Variants in DNAH8 observed in about 807,000 individuals in gnomAD.
DNAH8 encodes the protein dynein axonemal heavy chain 8.
In DNAH8, 382 loss-of-function variants were observed where a neutral mutation model predicts 562.1. The ratio of observed to expected loss-of-function variants is 0.68; its 90% CI spans 0.63 to 0.74. The LOEUF is 0.74. DNAH8 is among the 30% of genes least tolerant of loss of function. The pLI is 0.00. For missense variants in DNAH8, 5,203 were observed against 5,620.4 expected (o/e 0.93, Z 2.37); for synonymous variants, 1,881 against 1,919.4 (o/e 0.98, Z 0.52).
intron 91 of DNAH8, among the ~76,000 whole-genome samples, chr6:39,016,909 T>C (rs1012896432): frequency 6.6e-6 from 1 of 152,200 alleles, no homozygotes; most frequent in African/African-American, 2.4e-5. Context: ...GTTTGCCTTA[T>C]GGGTGGCCTG....
chr6:38,923,102 C>G lies in DNAH8; in HGVS notation c.10707C>G (p.Ala3569=). Residue 3569 remains alanine (A), a synonymous_variant, in exon 72 of 93, where the codon GCC becomes GCG. Coordinates refer to ENST00000327475, the MANE Select transcript of DNAH8 (RefSeq NM_001206927.2). ...DADTCRKKMQ[A]ASTLIDGLSG... Reference sequence around the variant, plus strand: ...ATACGTGCCGGAAAAAGATGCAGGCCGCCTCCACTCTCATCGATGGGCTGA... The same window carrying G: ...ATACGTGCCGGAAAAAGATGCAGGCGGCCTCCACTCTCATCGATGGGCTGA... 1 of 1,613,608 alleles carries G rather than the reference C, an allele frequency of 6.2e-7. No individual in the cohort carries two copies. The highest frequency in any genetic ancestry group is 1.1e-5 in the South Asian group (1 of 91,032).
At chr6:38,953,904 G>C (rs772521941) in intron 82 of DNAH8, among the ~76,000 whole-genome samples, 1 of 150,856 alleles carries the variant, frequency 6.6e-6, no homozygotes, top group African/African-American at 2.4e-5. Context: ...CCCAGACCTA[G>C]TCCGTGGCAG....
At chr6:39,005,941 C>T (rs1487770249) in intron 88 of DNAH8, among the ~76,000 whole-genome samples, 1 of 152,230 alleles carries the variant, frequency 6.6e-6, no homozygotes, top group African/African-American at 2.4e-5. Flanking sequence ...AGGGATTTGG[C>T]TTGCCATTAC....
rs776160871 is a variant in DNAH8 at position 38,906,296 on chromosome 6, G to A, written c.9237G>A (p.Leu3079=). 24 of 1,606,642 alleles carry A rather than the reference G, an allele frequency of 1.5e-5. No homozygotes were observed. The highest frequency in any genetic ancestry group is 1.9e-5 in the Non-Finnish European group (22 of 1,174,956). Reference sequence around the variant, plus strand: ...ATCTAACAGATGATTTAAAAGCTTTGTACAAAGTTGCTGGTGCTGATGGAA... The same window carrying A: ...ATCTAACAGATGATTTAAAAGCTTTATACAAAGTTGCTGGTGCTGATGGAA... ...VTNLTDDLKA[L]YKVAGADGKG... Residue 3079 remains leucine, a synonymous_variant, in exon 63 of 93, where the codon TTG becomes TTA. Coordinates refer to ENST00000327475, the MANE Select transcript of DNAH8 (RefSeq NM_001206927.2).
intron 1 of DNAH8, among the ~76,000 whole-genome samples, chr6:38,717,723 C>G (rs1466516169): frequency 2.0e-5 from 3 of 151,252 alleles, no homozygotes; most frequent in African/African-American, 7.3e-5. Context: ...TTCTTTCACT[C>G]AGAGTGATTC....
intron 26 of DNAH8, among the ~76,000 whole-genome samples, chr6:38,818,697 T>A (rs1485941190): frequency 1.3e-5 from 2 of 152,284 alleles, no homozygotes; most frequent in Non-Finnish European, 2.9e-5. Context: ...AACAGGTGAG[T>A]TTTGACTGCT....
At chr6:38,785,629 C>G (rs1769084013) in intron 17 of DNAH8, among the ~76,000 whole-genome samples, 1 of 152,036 alleles carries the variant, frequency 6.6e-6, no homozygotes, top group African/African-American at 2.4e-5. Context: ...CTTTCCCTCC[C>G]CTTGCTCCCC....
chr6:38,845,491 C>CA (rs932529291), intron 35 of DNAH8, 83 bp from the exon 36 acceptor site: 4,142 of 1,015,590 alleles, frequency 4.1e-3, no homozygotes, highest in Non-Finnish European at 4.7e-3. Context: ...CCCTTTCAAG[C>CA]AAAAAAAAAA....
At chr6:38,844,511 A>C (rs1583165375) in intron 35 of DNAH8, among the ~76,000 whole-genome samples, 1 of 152,196 alleles carries the variant, frequency 6.6e-6, no homozygotes, top group Non-Finnish European at 1.5e-5. Flanking sequence ...TGTAAATATC[A>C]CTAAGAAACA....
At chr6:38,896,272 A>G in intron 60 of DNAH8, 47 bp downstream of exon 60, 1 of 1,471,220 alleles carries the variant, frequency 6.8e-7, no homozygotes. Flanking sequence ...TGCTCACCTG[A>G]CTAGATCTTT....
Position 38,783,069 on chromosome 6 carries a change from C to G in DNAH8, c.2325C>G (p.Ser775=). 1 of 1,613,890 alleles carries G rather than the reference C, an allele frequency of 6.2e-7. No individual in the cohort carries two copies. Among genetic ancestry groups the G allele is most frequent in the Non-Finnish European group, 8.5e-7 (1 of 1,179,818 alleles). Residue 775 remains serine, a synonymous_variant, in exon 17 of 93, where the codon TCC becomes TCG. Coordinates refer to ENST00000327475, the MANE Select transcript of DNAH8 (RefSeq NM_001206927.2). ...KAVIRQYNKI[S]YVLVEFEVVY... Reference sequence around the variant, plus strand: ...TCATCCGTCAGTATAACAAGATCTCCTATGTGCTGGTGGAATTCGAGGTGG... The same window carrying G: ...TCATCCGTCAGTATAACAAGATCTCGTATGTGCTGGTGGAATTCGAGGTGG...
chr6:38,886,862 C>T lies in DNAH8; in HGVS notation c.8331C>T (p.Phe2777=), dbSNP rs1778962306. The T allele has an allele frequency of 6.2e-7, 1 of 1,614,074 alleles. No homozygotes were observed. Among genetic ancestry groups the T allele is most frequent in the Non-Finnish European group, 8.5e-7 (1 of 1,179,952 alleles). ...ACAGCTTGGACAAGCCTGGAGACTT[C>T]ACTACTATTGTTGATGTGCAGCTCA... The part of the protein sequence containing the change: ...GMYSLDKPGD[F]TTIVDVQLIA... Residue 2777 remains phenylalanine (F), a synonymous_variant, in exon 57 of 93, where the codon TTC becomes TTT. Transcript: ENST00000327475.
chr6:38,723,975 TTAATTAATTAATTAA>T (rs1443813606), intron 3 of DNAH8, among the ~76,000 whole-genome samples: 8 of 113,474 alleles, frequency 7.1e-5, no homozygotes, highest in African/African-American at 1.9e-4. Context: ...TTAAATTTAA[TTAATTAATTAATTAA>T]TTAATTAATT....
chr6:38,959,033 G>T (rs953380987), intron 82 of DNAH8, among the ~76,000 whole-genome samples: 3 of 152,112 alleles, frequency 2.0e-5, no homozygotes, highest in Admixed American at 1.3e-4. Context: ...AAAACCATAT[G>T]ATCATCTCAA....
At chr6:38,973,865 C>T in intron 84 of DNAH8, 52 bp downstream of exon 84, 4 of 1,448,896 alleles carry the variant, frequency 2.8e-6, no homozygotes, top group Non-Finnish European at 3.8e-6. Context: ...AAGATGACAT[C>T]ATTGACATTG....
chr6:38,890,502 A>G, intron 57 of DNAH8, 150 bp from the exon 58 acceptor site: 1 of 630,368 alleles, frequency 1.6e-6, no homozygotes, highest in Admixed American at 2.6e-5. Context: ...GGCTGGATCC[A>G]CTACTGACTC....
At position 38,775,924 on chromosome 6, in the gene DNAH8, T is replaced by A. The variant is rs747756965; in HGVS notation, c.1935T>A (p.Asp645Glu). Residue 645 changes from aspartate (D) to glutamate (E), a missense_variant, in exon 13 of 93, where the codon GAT (aspartate) becomes GAA (glutamate). This residue lies in a region of DNAH8 where 2,176 missense variants were observed against 2,365.1 expected (regional missense o/e 0.92). Coordinates refer to ENST00000327475, the MANE Select transcript of DNAH8 (RefSeq NM_001206927.2). Reference protein sequence around the residue: ...RRTEFDTDFLDFMTKINGLEV... With the variant: ...RRTEFDTDFLEFMTKINGLEV... ...CAGAATTTGACACAGATTTCTTAGATTTCATGACAAAAATCAATGGTTTAG... is the reference window on the plus strand; with the variant it reads ...CAGAATTTGACACAGATTTCTTAGAATTCATGACAAAAATCAATGGTTTAG... 1 of 1,612,690 alleles carries A rather than the reference T, an allele frequency of 6.2e-7. No individual in the cohort carries two copies. The highest frequency in any genetic ancestry group is 8.5e-7 in the Non-Finnish European group (1 of 1,178,976).
chr6:38,890,658 T>G lies in DNAH8; in HGVS notation c.8480T>G (p.Ile2827Ser). The change falls in exon 58 of 93, where the codon ATT becomes AGT. Residue 2827 changes from isoleucine (I) to serine (S), a missense_variant. This residue lies in a region of DNAH8 where 977 missense variants were observed against 1,061.8 expected (regional missense o/e 0.92). Transcript: ENST00000327475. The part of the protein sequence containing the change: ...NASIDKIFGI[I>S]GCGYFDPCRS... ...AATCTTGCTTATCTTTCAGGAATTA[T>G]TGGATGTGGATACTTTGATCCTTGT... 6.2e-7 allele frequency: 1 copy of G among 1,607,794 alleles called. No homozygotes were observed. Among genetic ancestry groups the G allele is most frequent in the East Asian group, 2.2e-5 (1 of 44,814 alleles).
At chr6:38,822,728 G>A (rs1772979541) in intron 26 of DNAH8, 110 bp from the exon 27 acceptor site, 1 of 831,548 alleles carries the variant, frequency 1.2e-6, no homozygotes, top group Non-Finnish European at 1.7e-6. Flanking sequence ...TTTCTTGGAG[G>A]GAGAATCTTT....
Sources: allele counts gnomAD v4.1 joint callset (sites outside exome capture counted in the v4.1 genomes callset), GRCh38; gene constraint gnomAD v4.1.1; regional missense constraint gnomAD v4.1.1; transcripts MANE v1.5; gene names NCBI Gene and HGNC (gene_info 2026-07-23, HGNC 2026-07-21).